Variants in NDUFA9 observed in about 807,000 individuals in gnomAD.
The protein encoded by NDUFA9 is NADH:ubiquinone oxidoreductase subunit A9.
A neutral mutation model predicts 45.9 loss-of-function variants in NDUFA9; 23 were observed. The observed-to-expected ratio is 0.50, with a 90% CI of 0.36 to 0.71. NDUFA9 has a LOEUF of 0.71. Ranked by LOEUF, NDUFA9 falls within the 30% of genes least tolerant of loss-of-function variation. NDUFA9 has a pLI of 0.00. For synonymous variants in NDUFA9, 176 were observed against 170.5 expected (o/e 1.03, Z -0.25); for missense variants, 466 against 488.2 (o/e 0.95, Z 0.43).
Position 4,680,557 on chromosome 12 carries a change from G to A in NDUFA9, c.801-1648G>A, listed in dbSNP as rs146182469. Among the ~76,000 whole-genome samples the A allele has an allele frequency of 3.1e-3, 473 of 152,350 alleles. 1 individual carries two copies. The highest frequency in any genetic ancestry group is 0.02 in the Middle Eastern group (6 of 294). On this transcript the variant is annotated intron_variant, in intron 8 of 10. Transcript: ENST00000266544. ...CAAAGTGCTTCAGAACAGCTGAAAA[G>A]GAAACCTATTATGTAGAGTTAGTTA...
intron 8 of NDUFA9, among the ~76,000 whole-genome samples, chr12:4,673,185 G>A (rs1160055468): frequency 6.6e-6 from 1 of 152,166 alleles, no homozygotes; most frequent in African/African-American, 2.4e-5. Flanking sequence ...TCAACAAAAA[G>A]GACGTCCACT....
chr12:4,673,314 TC>T (rs1453168908), intron 8 of NDUFA9, among the ~76,000 whole-genome samples: 1 of 152,090 alleles, frequency 6.6e-6, no homozygotes, highest in Non-Finnish European at 1.5e-5. Flanking sequence ...CCTCTTTTCC[TC>T]CAAAGGATTA....
At chr12:4,673,436 G>T (rs578008658) in intron 8 of NDUFA9, among the ~76,000 whole-genome samples, 1 of 152,300 alleles carries the variant, frequency 6.6e-6, no homozygotes, top group Non-Finnish European at 1.5e-5. Context: ...TTGAGAAAAG[G>T]TTAGATGAAT....
intron 1 of NDUFA9, among the ~76,000 whole-genome samples, chr12:4,651,722 CTG>C (rs1945760852): frequency 6.6e-6 from 1 of 152,072 alleles, no homozygotes; most frequent in African/African-American, 2.4e-5. Context: ...CATCTTTTGC[CTG>C]TCTTATCCTA....
rs370950266 is a variant in NDUFA9 at position 4,685,828 on chromosome 12, C to T, written c.963+503C>T. 2.0e-4 allele frequency among the ~76,000 whole-genome samples: 31 copies of T among 152,276 alleles called. No individual in the cohort carries two copies. In the East Asian group the frequency reaches 5.6e-3, roughly 27 times the overall value. On this transcript the variant is annotated intron_variant, in intron 10 of 10. Coordinates refer to ENST00000266544, the MANE Select transcript of NDUFA9 (RefSeq NM_005002.5). ...CACATCCAATGGTCAGTTCTCAGAC[C>T]TCATGTCATGTGCCTGTGCATTTGC...
intron 9 of NDUFA9, among the ~76,000 whole-genome samples, chr12:4,682,774 A>G (rs1407401854): frequency 6.6e-6 from 1 of 152,154 alleles, no homozygotes; most frequent in Non-Finnish European, 1.5e-5. Flanking sequence ...TGGGTTAAAT[A>G]TCTTTGACTT....
At chr12:4,667,512 CTTTTTTT>C in intron 6 of NDUFA9, 5 of 156,904 alleles carry the variant, frequency 3.2e-5, no homozygotes, top group South Asian at 6.4e-5. Flanking sequence ...AATTTCTACT[CTTTTTTT>C]TTTTTTTTTT....
At chr12:4,659,515 T>G (rs972988828) in intron 5 of NDUFA9, among the ~76,000 whole-genome samples, 5 of 152,220 alleles carry the variant, frequency 3.3e-5, no homozygotes, top group Non-Finnish European at 4.4e-5. Context: ...CTACCATGGT[T>G]AAAGGACCAT....
At chr12:4,678,093 A>T (rs1945931071) in intron 8 of NDUFA9, among the ~76,000 whole-genome samples, 1 of 151,828 alleles carries the variant, frequency 6.6e-6, no homozygotes, top group South Asian at 2.1e-4. Flanking sequence ...AGTTGAACAC[A>T]TGGAAACAGG....
chr12:4,674,045 A>G (rs1945903756), intron 8 of NDUFA9, among the ~76,000 whole-genome samples: 1 of 152,204 alleles, frequency 6.6e-6, no homozygotes, highest in South Asian at 2.1e-4. Context: ...TTTTCAACCT[A>G]GAATTTCACA....
chr12:4,649,230 A>C, intron 1 of NDUFA9, 55 bp downstream of exon 1: 1 of 1,561,302 alleles, frequency 6.4e-7, no homozygotes. Flanking sequence ...CGGGGATTTA[A>C]GGTTTTGGAA....
rs539525411 is a variant in NDUFA9 at position 4,691,598 on chromosome 12, G to T, written c.*4490G>T. On this transcript the variant is annotated 3_prime_UTR_variant, in exon 11 of 11. Transcript: ENST00000266544. ...GGGCGTATTTGAAGAAACCCTTCCT[G>T]TGAAGGAAAATCCAAGAGAATGAAG... is the stretch of plus-strand genomic sequence containing the variant. 6.6e-6 allele frequency: 1 copy of T among 152,384 alleles called. No homozygotes were observed. Among genetic ancestry groups the T allele is most frequent in the Non-Finnish European group, 1.5e-5 (1 of 68,076 alleles). 9.4% of individuals were successfully genotyped at this position (152,384 alleles called of 1,614,324 possible). A position where few individuals can be genotyped will look rare whatever the true frequency, so the allele number is the denominator to read the frequency against.
In NDUFA9 at chr12:4,693,127, A is replaced by T. The variant is rs1036689211; in HGVS notation, c.*6019A>T. 5 of 152,248 alleles carry T rather than the reference A, an allele frequency of 3.3e-5. No homozygotes were observed. The highest frequency in any genetic ancestry group is 1.5e-5 in the Non-Finnish European group (1 of 68,074). 9.4% of individuals were successfully genotyped at this position (152,248 alleles called of 1,614,324 possible). On this transcript the variant is annotated 3_prime_UTR_variant, in exon 11 of 11. Coordinates refer to ENST00000266544, the MANE Select transcript of NDUFA9 (RefSeq NM_005002.5). ...GAGTGAAACCCCATCTCTTTAAAAA[A>T]ATAAAGCACTTGAAGCAGAACTTTT...
intron 8 of NDUFA9, among the ~76,000 whole-genome samples, chr12:4,681,572 A>T (rs1945952299): frequency 6.7e-6 from 1 of 148,550 alleles, no homozygotes; most frequent in Non-Finnish European, 1.5e-5. Context: ...ATTCTTATAT[A>T]TAATTACATA....
intron 6 of NDUFA9, among the ~76,000 whole-genome samples, chr12:4,664,845 TA>T (rs2137470830): frequency 6.6e-6 from 1 of 152,354 alleles, no homozygotes; most frequent in South Asian, 2.1e-4. Flanking sequence ...TATTAGATTC[TA>T]AAATCTAATA....
chr12:4,657,328 G>A (rs912900514), intron 3 of NDUFA9: 1 of 159,414 alleles, frequency 6.3e-6, no homozygotes, highest in African/African-American at 2.4e-5. Flanking sequence ...CCTATCTTCA[G>A]TCTGTAAGTG....
In NDUFA9 at chr12:4,691,870, G is replaced by A. The variant is rs532218913; in HGVS notation, c.*4762G>A. 1 of 152,088 alleles carries A rather than the reference G, an allele frequency of 6.6e-6. No homozygotes were observed. The highest frequency in any genetic ancestry group is 2.4e-5 in the African/African-American group (1 of 41,458). 9.4% of individuals were successfully genotyped at this position (152,088 alleles called of 1,614,324 possible). The stretch of plus-strand genomic sequence containing the variant: ...CTGATTGGCTTTATCCAAAGGAAGA[G>A]TAAACATCTCATCCTTATGACAGGA... On this transcript the variant is annotated 3_prime_UTR_variant, in exon 11 of 11. Transcript: ENST00000266544.
At chr12:4,680,578 A>G (rs941250124) in intron 8 of NDUFA9, among the ~76,000 whole-genome samples, 1 of 152,238 alleles carries the variant, frequency 6.6e-6, no homozygotes, top group African/African-American at 2.4e-5. Context: ...ATGTAGAGTT[A>G]GTTAACCCAT....
At chr12:4,686,912 G>T in intron 10 of NDUFA9, 26 bp from the exon 11 acceptor site, 1 of 1,609,004 alleles carries the variant, frequency 6.2e-7, no homozygotes, top group Non-Finnish European at 8.5e-7. Flanking sequence ...TTTCAGCATT[G>T]TCTGTGGTCC....
Sources: allele counts gnomAD v4.1 joint callset (sites outside exome capture counted in the v4.1 genomes callset), GRCh38; gene constraint gnomAD v4.1.1; transcripts MANE v1.5; gene names NCBI Gene and HGNC (gene_info 2026-07-23, HGNC 2026-07-21).